The following TBC1D13 variants were observed in gnomAD, a reference collection of about 807,000 sequenced individuals.
The protein encoded by TBC1D13 is TBC1 domain family member 13.
In TBC1D13, 40 loss-of-function variants were observed where a neutral mutation model predicts 53.6. The observed-to-expected ratio is 0.75, with a 90% CI of 0.58 to 0.97. TBC1D13 has a LOEUF of 0.97. Among genes scored for constraint, TBC1D13 ranks in the 50% least tolerant of loss-of-function variants. TBC1D13 has a pLI of 0.00. For synonymous variants in TBC1D13, 182 were observed against 197.7 expected (o/e 0.92, Z 0.67); for missense variants, 377 against 499.4 (o/e 0.75, Z 2.34).
chr9:128,807,237 C>T (rs181869910), intron 11 of TBC1D13, among the ~76,000 whole-genome samples: 156 of 152,044 alleles, frequency 1.0e-3, no homozygotes, highest in Middle Eastern at 3.4e-3. Flanking sequence ...CAGGTGTGTG[C>T]CACCACGTCT....
intron 2 of TBC1D13, 83 bp downstream of exon 2, chr9:128,788,490 T>C: frequency 7.8e-7 from 1 of 1,278,452 alleles, no homozygotes; most frequent in Non-Finnish European, 1.1e-6. Flanking sequence ...CCTGGTCAGC[T>C]CTGGGGCCCA....
rs1164544149 is a variant in TBC1D13, at chr9:128,787,272, T to TG, written c.-76dup. 6 of 1,236,216 alleles carry TG rather than the reference T, an allele frequency of 4.9e-6. No homozygotes were observed. Among genetic ancestry groups the TG allele is most frequent in the African/African-American group, 1.6e-5 (1 of 63,872 alleles). The allele number at this position is 1,236,216 out of a possible 1,614,324, so 76.6% of individuals were successfully genotyped here. ...GCTTTTGCGCAGAGCCCCGCGTCCC[T>TG]GGGGGGCGGCGGCGGCGGCGGCAGC... On this transcript the variant is annotated 5_prime_UTR_variant, in exon 1 of 12. Coordinates refer to ENST00000372648, the MANE Select transcript of TBC1D13 (RefSeq NM_018201.5).
At chr9:128,801,948 A>G (rs1378494592) in intron 7 of TBC1D13, among the ~76,000 whole-genome samples, 2 of 147,020 alleles carry the variant, frequency 1.4e-5, no homozygotes, top group African/African-American at 5.0e-5. Flanking sequence ...TTTTTGGTAG[A>G]GACAGGGTTT....
rs148707512 is a variant in TBC1D13 at position 128,794,190 on chromosome 9, C to T, written c.383+1616C>T. On this transcript the variant is annotated intron_variant, in intron 6 of 11. Transcript: ENST00000372648. ...ACAGCACATGAGAGTGCCCTGTGGC[C>T]GGGGAAGAAGGCGCATGGCAGGATA... 3.3e-3 allele frequency among the ~76,000 whole-genome samples: 503 copies of T among 152,220 alleles called. 2 individuals carry two copies. Among genetic ancestry groups the T allele is most frequent in the African/African-American group, 0.011 (474 of 41,530 alleles).
At chr9:128,807,230 G>T (rs1829852700) in intron 11 of TBC1D13, among the ~76,000 whole-genome samples, 1 of 151,926 alleles carries the variant, frequency 6.6e-6, no homozygotes, top group Non-Finnish European at 1.5e-5. Context: ...GGGATTACAG[G>T]TGTGTGCCAC....
chr9:128,792,979 T>C (rs139613588), intron 6 of TBC1D13, among the ~76,000 whole-genome samples: 42 of 152,340 alleles, frequency 2.8e-4, no homozygotes, highest in African/African-American at 9.9e-4. Context: ...GCCCATTAGA[T>C]CTTAGCAGAT....
chr9:128,798,679 A>G (rs1421640234), intron 7 of TBC1D13, among the ~76,000 whole-genome samples: 2 of 152,162 alleles, frequency 1.3e-5, no homozygotes. Flanking sequence ...AGCTCCTTGT[A>G]GTCAAACAAG....
chr9:128,802,204 C>T lies in TBC1D13; in HGVS notation c.544-1046C>T, dbSNP rs1439155226. On this transcript the variant is annotated intron_variant, in intron 7 of 11. Transcript: ENST00000372648. ...CTGAGTAGCTGGGATTACAGGTATACGCCACCACGCCTGGCTAATTTTTTT... is the reference window on the plus strand; with the variant it reads ...CTGAGTAGCTGGGATTACAGGTATATGCCACCACGCCTGGCTAATTTTTTT... 3.3e-5 allele frequency among the ~76,000 whole-genome samples: 5 copies of T among 149,360 alleles called. 1 individual carries two copies. Among genetic ancestry groups the T allele is most frequent in the Non-Finnish European group, 7.4e-5 (5 of 67,206 alleles).
chr9:128,803,937 C>G lies in TBC1D13; in HGVS notation c.755-19C>G. Reference sequence around the variant, plus strand: ...GGCCTGGAGTGCGCCACTTCTGCCCCCATCCTGCTCTCTCCCAGAGCACGC... The same window carrying G: ...GGCCTGGAGTGCGCCACTTCTGCCCGCATCCTGCTCTCTCCCAGAGCACGC... On this transcript the variant is annotated intron_variant, in intron 8 of 11. Coordinates refer to ENST00000372648, the MANE Select transcript of TBC1D13 (RefSeq NM_018201.5). The G allele has an allele frequency of 6.2e-7, 1 of 1,611,756 alleles. No homozygotes were observed.
chr9:128,794,746 A>G (rs1465569446), intron 6 of TBC1D13, among the ~76,000 whole-genome samples: 2 of 151,642 alleles, frequency 1.3e-5, no homozygotes, highest in African/African-American at 4.8e-5. Context: ...AAGTGCTAGC[A>G]TTACAGGCAT....
chr9:128,806,771 C>T (rs1319079562), intron 11 of TBC1D13, among the ~76,000 whole-genome samples: 4 of 152,030 alleles, frequency 2.6e-5, no homozygotes, highest in Non-Finnish European at 5.9e-5. Context: ...GGCGAAACCC[C>T]GTCTCTACTA....
chr9:128,806,162 A>T (rs1255459766), intron 10 of TBC1D13, 92 bp from the exon 11 acceptor site: 2 of 1,604,938 alleles, frequency 1.2e-6, no homozygotes, highest in African/African-American at 2.7e-5. Context: ...AGGGCGACAA[A>T]CCAAACTTGA....
chr9:128,805,596 A>C (rs1197271292), intron 9 of TBC1D13, among the ~76,000 whole-genome samples: 1 of 152,220 alleles, frequency 6.6e-6, no homozygotes. Context: ...ATCATTTATA[A>C]ATCTGGAGAG....
At position 128,809,311 on chromosome 9, in the gene TBC1D13, C is replaced by T. The variant is rs1455680924; in HGVS notation, c.*1432C>T. 6.6e-6 allele frequency: 1 copy of T among 152,406 alleles called. No individual in the cohort carries two copies. The highest frequency in any genetic ancestry group is 1.5e-5 in the Non-Finnish European group (1 of 68,220). The allele number at this position is 152,406 out of a possible 1,614,324, so 9.4% of individuals were successfully genotyped here. On this transcript the variant is annotated 3_prime_UTR_variant, in exon 12 of 12. Transcript: ENST00000372648. ...TCCCAGTTCTCACCAAGTCACCTCC[C>T]TCCTTGTACAAGGTTTGCGTCCGGA...
chr9:128,789,015 T>C (rs1451984318), intron 2 of TBC1D13, among the ~76,000 whole-genome samples: 3 of 152,194 alleles, frequency 2.0e-5, no homozygotes, highest in African/African-American at 7.2e-5. Flanking sequence ...TTTTTGCCCT[T>C]GTAACTTTGC....
intron 6 of TBC1D13, among the ~76,000 whole-genome samples, chr9:128,794,829 A>G (rs1311292709): frequency 6.6e-6 from 1 of 151,610 alleles, no homozygotes; most frequent in African/African-American, 2.4e-5. Flanking sequence ...GCGTGTTTGC[A>G]ATGTGCTAAG....
chr9:128,789,807 A>ATGTGTGTATGTATG (rs1554794474), intron 2 of TBC1D13: 1 of 7,106 alleles, frequency 1.4e-4, no homozygotes, highest in African/African-American at 2.9e-4. Context: ...ATATATATAT[A>ATGTGTGTATGTATG]TATATAATAA....
intron 9 of TBC1D13, among the ~76,000 whole-genome samples, chr9:128,805,331 TA>T (rs879387628): frequency 8.1e-5 from 12 of 147,410 alleles, no homozygotes; most frequent in East Asian, 3.9e-4. Flanking sequence ...ACCTCATCTC[TA>T]AAAAAAAAAG....
At chr9:128,791,740 G>C in intron 5 of TBC1D13, 47 bp downstream of exon 5, 1 of 1,576,662 alleles carries the variant, frequency 6.3e-7, no homozygotes, top group Non-Finnish European at 8.7e-7. Flanking sequence ...AATGTGGAGG[G>C]GTGGCGGCCT....
Sources: allele counts gnomAD v4.1 joint callset (sites outside exome capture counted in the v4.1 genomes callset), GRCh38; gene constraint gnomAD v4.1.1; transcripts MANE v1.5; gene names NCBI Gene and HGNC (gene_info 2026-07-23, HGNC 2026-07-21).